The following B3GALT1 variants were observed in gnomAD, a reference collection of about 807,000 sequenced individuals.
B3GALT1 encodes beta-1,3-galactosyltransferase 1, also known as UDP-Gal:betaGlcNAc beta 1,3-galactosyltransferase, polypeptide 1.
B3GALT1 carries 10 observed loss-of-function variants against 23.2 expected under a neutral mutation model. That is an observed-to-expected ratio of 0.43 (90% CI 0.27 to 0.73). The LOEUF (loss-of-function observed/expected upper bound fraction) is 0.73, where lower values mean the gene tolerates loss of function less well. Among genes scored for constraint, B3GALT1 ranks in the 30% least tolerant of loss-of-function variants. The pLI is 0.21. For missense variants in B3GALT1, 299 were observed against 405.4 expected (o/e 0.74, Z 2.25); for synonymous variants, 156 against 141.5 (o/e 1.10, Z -0.73).
intron 1 of B3GALT1, among the ~76,000 whole-genome samples, chr2:167,369,719 A>G (rs999841229): frequency 5.3e-5 from 8 of 152,198 alleles, no homozygotes; most frequent in African/African-American, 1.9e-4. Context: ...TTTTAGTTTC[A>G]ATACGGCATG....
chr2:167,342,490 T>C (rs1359428977), intron 1 of B3GALT1, among the ~76,000 whole-genome samples: 4 of 151,386 alleles, frequency 2.6e-5, no homozygotes, highest in Admixed American at 2.6e-4. Context: ...CTCAGGAGGC[T>C]GAGGCAGGAG....
intron 3 of B3GALT1, among the ~76,000 whole-genome samples, chr2:167,766,370 G>A (rs947931679): frequency 5.3e-5 from 8 of 152,116 alleles, no homozygotes; most frequent in African/African-American, 7.2e-5. Flanking sequence ...GGAAAATCAC[G>A]TGTACTAGGG....
chr2:167,755,040 T>G (rs1574246289), intron 3 of B3GALT1, among the ~76,000 whole-genome samples: 1 of 151,866 alleles, frequency 6.6e-6, no homozygotes, highest in African/African-American at 2.4e-5. Context: ...GGGGGCGGGG[T>G]GATGGTGCAG....
At chr2:167,525,063 A>C (rs547077236) in intron 2 of B3GALT1, among the ~76,000 whole-genome samples, 2 of 152,284 alleles carry the variant, frequency 1.3e-5, no homozygotes, top group Non-Finnish European at 2.9e-5. Context: ...AGGATAAATT[A>C]TTAGGAGAAA....
intron 2 of B3GALT1, among the ~76,000 whole-genome samples, chr2:167,601,587 T>G (rs957597819): frequency 6.6e-6 from 1 of 152,240 alleles, no homozygotes; most frequent in Non-Finnish European, 1.5e-5. Flanking sequence ...TTTACAACCA[T>G]ATGAGATAAA....
intron 3 of B3GALT1, among the ~76,000 whole-genome samples, chr2:167,766,010 A>G (rs1466819127): frequency 6.6e-6 from 1 of 152,230 alleles, no homozygotes; most frequent in Admixed American, 6.5e-5. Context: ...CTAGTTTTCT[A>G]AACATTCTGG....
chr2:167,559,562 A>G lies in B3GALT1; in HGVS notation c.-410+69285A>G, dbSNP rs556821179. Among the ~76,000 whole-genome samples, 9 of 152,312 alleles carry G rather than the reference A, an allele frequency of 5.9e-5. No homozygotes were observed. The South Asian group carries it at 1.9e-3, about 32-fold the overall frequency. On this transcript the variant is annotated intron_variant, in intron 2 of 4. Coordinates refer to ENST00000392690, the MANE Select transcript of B3GALT1 (RefSeq NM_020981.4). The stretch of plus-strand genomic sequence containing the variant: ...AAAGAAGTTGAAAACTTTGAAAAAA[A>G]TTTAGACGAATGTATAGCTGGAATA...
At chr2:167,792,499 G>A (rs1688453998) in intron 3 of B3GALT1, among the ~76,000 whole-genome samples, 1 of 152,228 alleles carries the variant, frequency 6.6e-6, no homozygotes, top group African/African-American at 2.4e-5. Flanking sequence ...TGGGTCAGCA[G>A]TAGCATACAG....
chr2:167,531,704 G>A (rs1034537900), intron 2 of B3GALT1, among the ~76,000 whole-genome samples: 3 of 151,922 alleles, frequency 2.0e-5, no homozygotes, highest in African/African-American at 7.3e-5. Context: ...ATATTTTAAC[G>A]TGTTACTGAG....
chr2:167,723,750 C>T (rs555403358), intron 3 of B3GALT1, among the ~76,000 whole-genome samples: 186 of 152,146 alleles, frequency 1.2e-3, no homozygotes, highest in Non-Finnish European at 2.2e-3. Context: ...AGGCTGGTCT[C>T]GAACTCCTGA....
intron 3 of B3GALT1, among the ~76,000 whole-genome samples, chr2:167,672,963 T>A (rs1686358665): frequency 6.9e-6 from 1 of 145,014 alleles, no homozygotes; most frequent in African/African-American, 2.6e-5. Flanking sequence ...TGACTAGGAG[T>A]GTAAGAGAGA....
chr2:167,529,594 A>T (rs908473794), intron 2 of B3GALT1, among the ~76,000 whole-genome samples: 1 of 148,512 alleles, frequency 6.7e-6, no homozygotes, highest in Non-Finnish European at 1.5e-5. Context: ...CTCTCCTCCC[A>T]CATGAGCACC....
At position 167,846,291 on chromosome 2, in the gene B3GALT1, T is replaced by C. The variant is rs1689760025; in HGVS notation, c.-229-22520T>C. On this transcript the variant is annotated intron_variant, in intron 4 of 4. Transcript: ENST00000392690. ...GCAGAAAGATCGTCACCTAGGCACA[T>C]TGTCATCAGGTTACCTAAAGAGAAG... Among the ~76,000 whole-genome samples the C allele has an allele frequency of 2.0e-5, 3 of 152,142 alleles. 1 individual carries two copies. In the South Asian group the frequency reaches 6.2e-4, roughly 32 times the overall value.
rs535369991 is a variant in B3GALT1, at chr2:167,303,682, C to CACACACACACACACACACACATAG, written c.-511+10349_-511+10350insCACACACACACACACACACATAGA. On this transcript the variant is annotated intron_variant, in intron 1 of 4. Transcript: ENST00000392690. ...ACACACACACACACACACACACACA[C>CACACACACACACACACACACATAG]AGAGAGAGACCTTGTTGCTGCCATT... 1.7e-4 allele frequency among the ~76,000 whole-genome samples: 26 copies of CACACACACACACACACACACATAG among 148,834 alleles called. 1 individual carries two copies. In the East Asian group the frequency reaches 2.7e-3, roughly 15 times the overall value.
chr2:167,354,344 CTTCTTTTT>C (rs1697365288), intron 1 of B3GALT1, among the ~76,000 whole-genome samples: 1 of 119,408 alleles, frequency 8.4e-6, no homozygotes, highest in African/African-American at 2.9e-5. Context: ...CTTGGTAAAT[CTTCTTTTT>C]TTTTTTTTTT....
At chr2:167,385,255 C>G (rs1697909024) in intron 1 of B3GALT1, among the ~76,000 whole-genome samples, 1 of 152,124 alleles carries the variant, frequency 6.6e-6, no homozygotes, top group Admixed American at 6.6e-5. Flanking sequence ...TTGTCTACTT[C>G]CAACTCTCTT....
chr2:167,581,866 G>C (rs1281900187), intron 2 of B3GALT1, among the ~76,000 whole-genome samples: 1 of 152,102 alleles, frequency 6.6e-6, no homozygotes. Context: ...CTTAAAATTA[G>C]AGTGCCGAGA....
At chr2:167,697,940 A>G (rs1461066586) in intron 3 of B3GALT1, among the ~76,000 whole-genome samples, 2 of 152,218 alleles carry the variant, frequency 1.3e-5, no homozygotes, top group Non-Finnish European at 2.9e-5. Flanking sequence ...AAGTTGTGCA[A>G]TTTCAGTTGT....
intron 1 of B3GALT1, among the ~76,000 whole-genome samples, chr2:167,409,818 C>G (rs1272938619): frequency 6.6e-6 from 1 of 151,926 alleles, no homozygotes; most frequent in Non-Finnish European, 1.5e-5. Flanking sequence ...AACGCTTCTA[C>G]ACTCTTGGTG....
Sources: allele counts gnomAD v4.1 joint callset (sites outside exome capture counted in the v4.1 genomes callset), GRCh38; gene constraint gnomAD v4.1.1; transcripts MANE v1.5; gene names NCBI Gene and HGNC (gene_info 2026-07-23, HGNC 2026-07-21).